LPAR6: variants seen among roughly 807,000 people sequenced by gnomAD.
LPAR6 encodes lysophosphatidic acid receptor 6, also known as G-protein coupled purinergic receptor P2Y5.
In LPAR6, 17 loss-of-function variants were observed where a neutral mutation model predicts 22.0. The ratio of observed to expected loss-of-function variants is 0.77; its 90% CI spans 0.53 to 1.16. The LOEUF (loss-of-function observed/expected upper bound fraction) is 1.16, where lower values mean the gene tolerates loss of function less well. LPAR6 is among the 50% of genes most tolerant of loss of function. The pLI is 0.00. For synonymous variants in LPAR6, 136 were observed against 139.8 expected (o/e 0.97, Z 0.19); for missense variants, 384 against 406.9 (o/e 0.94, Z 0.48).
chr13:48,431,698 G>A (rs192113725), upstream of LPAR6, among the ~76,000 whole-genome samples: 3 of 152,244 alleles, frequency 2.0e-5, no homozygotes, highest in Admixed American at 6.5e-5. Flanking sequence ...ACCAAAGGAC[G>A]GCTTCTACAA....
At position 48,411,646 on chromosome 13, in the gene LPAR6, ATGTT is replaced by A. The variant is rs1178908890; in HGVS notation, c.774_777del (p.Gln258HisfsTer7). 1 of 1,611,650 alleles carries A rather than the reference ATGTT, an allele frequency of 6.2e-7. No homozygotes were observed. Among genetic ancestry groups the A allele is most frequent in the Non-Finnish European group, 8.5e-7 (1 of 1,177,864 alleles). ...GCTGCCACTACTGAGCAATTAACAA[ATGTT>A]TGTGTTCTCACAAGAGAATATAAAA... is the stretch of plus-strand genomic sequence containing the variant. On this transcript the variant is annotated frameshift_variant, in exon 1 of 1. Coordinates refer to ENST00000620633, the MANE Select transcript of LPAR6 (RefSeq NM_001162498.3). LOFTEE classifies it high-confidence loss of function.
intron 1 of LPAR6, among the ~76,000 whole-genome samples, chr13:48,438,987 T>C (rs1394671079): frequency 6.6e-6 from 1 of 152,152 alleles, no homozygotes; most frequent in African/African-American, 2.4e-5. Flanking sequence ...ATAGATGGAA[T>C]TGTGGCCAGT....
downstream of LPAR6, among the ~76,000 whole-genome samples, chr13:48,408,320 C>T (rs1009624414): frequency 6.6e-6 from 1 of 151,708 alleles, no homozygotes; most frequent in Non-Finnish European, 1.5e-5. Flanking sequence ...TTGATATTTT[C>T]TCAGTAAAGA....
upstream of LPAR6, among the ~76,000 whole-genome samples, chr13:48,413,406 T>C (rs946778382): frequency 3.9e-5 from 6 of 152,346 alleles, no homozygotes; most frequent in East Asian, 1.9e-4. Flanking sequence ...CTATTCAGCC[T>C]GTTCTCTTAT....
chr13:48,390,919 G>GT (rs1409316083), intron 1 of LPAR6, among the ~76,000 whole-genome samples: 1 of 152,170 alleles, frequency 6.6e-6, no homozygotes, highest in Non-Finnish European at 1.5e-5. Flanking sequence ...TTGCCTAACA[G>GT]TATCTGCCTT....
upstream of LPAR6, among the ~76,000 whole-genome samples, chr13:48,430,275 T>C (rs932134186): frequency 1.3e-5 from 2 of 152,188 alleles, no homozygotes; most frequent in Non-Finnish European, 2.9e-5. Flanking sequence ...TTCAGGATAA[T>C]TCAGTAAATG....
intron 1 of LPAR6, among the ~76,000 whole-genome samples, chr13:48,395,591 T>A (rs1274635904): frequency 6.6e-6 from 1 of 151,148 alleles, no homozygotes; most frequent in East Asian, 1.9e-4. Context: ...CATACACAAG[T>A]ACCAATAGCT....
chr13:48,413,466 A>G (rs924594403), upstream of LPAR6, among the ~76,000 whole-genome samples: 1 of 152,214 alleles, frequency 6.6e-6, no homozygotes, highest in Non-Finnish European at 1.5e-5. Context: ...GAAAATGTGT[A>G]TGGGTGTGTA....
intron 1 of LPAR6, among the ~76,000 whole-genome samples, chr13:48,393,548 G>T (rs950507173): frequency 3.3e-5 from 5 of 152,156 alleles, no homozygotes; most frequent in Admixed American, 6.5e-5. Flanking sequence ...AACGAATCTG[G>T]TCCCTGTTTC....
intron 1 of LPAR6, among the ~76,000 whole-genome samples, chr13:48,401,045 T>C (rs1361185386): frequency 1.3e-5 from 2 of 152,150 alleles, no homozygotes; most frequent in Non-Finnish European, 2.9e-5. Flanking sequence ...CACTGTTATA[T>C]TACAGTTGGA....
intron 1 of LPAR6, among the ~76,000 whole-genome samples, chr13:48,440,494 G>A (rs1949226545): frequency 6.6e-6 from 1 of 152,126 alleles, no homozygotes; most frequent in Non-Finnish European, 1.5e-5. Flanking sequence ...TACATGCATA[G>A]CCTGATGGGC....
In LPAR6 at chr13:48,412,084, G is replaced by T; in HGVS notation, c.340C>A (p.Arg114=). The stretch of plus-strand genomic sequence containing the variant: ...AATGGGTAGACAATTGCCAGAAATC[G>T]ATCTACACTAATACAGGTTAAGAAC... ...ILFLTCISVD[R]FLAIVYPFKS... Residue 114 remains arginine (R), a synonymous_variant, in exon 1 of 1, where the codon CGA becomes AGA. Transcript: ENST00000620633. The T allele has an allele frequency of 6.2e-7, 1 of 1,605,570 alleles. No individual in the cohort carries two copies. Among genetic ancestry groups the T allele is most frequent in the Non-Finnish European group, 8.5e-7 (1 of 1,176,868 alleles).
intron 1 of LPAR6, among the ~76,000 whole-genome samples, chr13:48,398,988 A>G (rs1948669719): frequency 6.6e-6 from 1 of 152,094 alleles, no homozygotes; most frequent in Admixed American, 6.6e-5. Context: ...AAGGATTAAA[A>G]GAAGACTTTA....
intron 1 of LPAR6, among the ~76,000 whole-genome samples, chr13:48,423,077 C>G (rs471911): frequency 0.21 from 32,210 of 152,040 alleles, 3,582 homozygotes; most frequent in South Asian, 0.26. Context: ...CTGCATTGAG[C>G]TATGATTGTA....
Position 48,412,939 on chromosome 13 carries a change from T to C in LPAR6, c.-516A>G, listed in dbSNP as rs1462362283. 5.9e-6 allele frequency: 1 copy of C among 169,214 alleles called. No homozygotes were observed. The highest frequency in any genetic ancestry group is 2.4e-5 in the African/African-American group (1 of 41,482). The allele number at this position is 169,214 out of a possible 1,614,324, so 10.5% of individuals were successfully genotyped here. ...ACATTCCCAATTTGTCCCATTTTAC[T>C]TCTTGCTTCTTTTAAATGAAGTTTT... On this transcript the variant is annotated 5_prime_UTR_variant, in exon 1 of 1. Transcript: ENST00000620633.
chr13:48,406,307 C>T (rs1001164200), downstream of LPAR6, among the ~76,000 whole-genome samples: 5 of 152,058 alleles, frequency 3.3e-5, no homozygotes, highest in Non-Finnish European at 5.9e-5. Flanking sequence ...TTCTCCATGA[C>T]GGCCACTGTC....
intron 1 of LPAR6, among the ~76,000 whole-genome samples, chr13:48,442,144 T>C (rs1390956533): frequency 6.6e-6 from 1 of 152,218 alleles, no homozygotes. Flanking sequence ...TCTTTTAATG[T>C]CTGTTTCTCA....
At chr13:48,402,882 A>T (rs1341415759) in intron 1 of LPAR6, among the ~76,000 whole-genome samples, 1 of 152,178 alleles carries the variant, frequency 6.6e-6, no homozygotes, top group Non-Finnish European at 1.5e-5. Context: ...TATATGACAT[A>T]TAAATCAAAT....
chr13:48,414,782 CA>C (rs1382909101), upstream of LPAR6, among the ~76,000 whole-genome samples: 1 of 151,602 alleles, frequency 6.6e-6, no homozygotes, highest in Non-Finnish European at 1.5e-5. Flanking sequence ...TATCAAATGA[CA>C]AAAAAAGATG....
Sources: gnomAD v4.1 joint callset for allele counts (sites outside exome capture counted in the v4.1 genomes callset) on GRCh38, gnomAD v4.1.1 for gene constraint, MANE v1.5 for transcripts, NCBI Gene and HGNC (gene_info 2026-07-23, HGNC 2026-07-21) for gene names.